The following RGS12 variants were observed in gnomAD, a reference collection of about 807,000 sequenced individuals.
RGS12 encodes the protein regulator of G protein signaling 12, also known as regulator of G-protein signaling 12.
Under a neutral mutation model 120.1 loss-of-function variants are expected in RGS12, and 66 were observed. The ratio of observed to expected loss-of-function variants is 0.55; its 90% CI spans 0.45 to 0.67. The LOEUF (loss-of-function observed/expected upper bound fraction) is 0.67, where lower values mean the gene tolerates loss of function less well. Among genes scored for constraint, RGS12 ranks in the 30% least tolerant of loss-of-function variants. The pLI is 0.00. For missense variants in RGS12, 1,859 were observed against 1,957.7 expected, an observed-to-expected ratio of 0.95 and a Z score of 0.95; for synonymous variants, 827 against 804.7, an observed-to-expected ratio of 1.03 and a Z score of -0.47.
chr4:3,434,939 G>A (rs1724665374), intron 17 of RGS12, among the ~76,000 whole-genome samples: 1 of 152,112 alleles, frequency 6.6e-6, no homozygotes, highest in Non-Finnish European at 1.5e-5. Context: ...CAGCCCCATG[G>A]CCTGACTGAG....
At chr4:3,421,932 G>A (rs768376635) in intron 10 of RGS12, among the ~76,000 whole-genome samples, 3 of 152,208 alleles carry the variant, frequency 2.0e-5, no homozygotes, top group African/African-American at 4.8e-5. Context: ...TCAGACTACC[G>A]GAAGGCAGTG....
At position 3,406,490 on chromosome 4, in the gene RGS12, T is replaced by C. The variant is rs1043536445; in HGVS notation, c.2021-7582T>C. ...TAGATGGGGTCAACAAACAGCGCCT[T>C]CAGCCAAACCCTGCCACCAACCAGC... is the stretch of plus-strand genomic sequence containing the variant. On this transcript the variant is annotated intron_variant, in intron 4 of 17. Coordinates refer to ENST00000336727, the MANE Select transcript of RGS12 (RefSeq NM_001394154.1). 4.6e-5 allele frequency among the ~76,000 whole-genome samples: 7 copies of C among 152,330 alleles called. No individual in the cohort carries two copies. In the South Asian group the frequency reaches 1.5e-3, roughly 32 times the overall value.
At position 3,414,196 on chromosome 4, in the gene RGS12, C is replaced by T. The variant is rs753314115; in HGVS notation, c.2145C>T (p.Ser715=). ...RERRVASWAV[S]FERLLQDPVG... is the part of the protein sequence containing the mutation. ...GGAGGGTCGCCAGCTGGGCCGTGTC[C>T]TTTGAGCGCCTGCTGCAGGACCCCG... Residue 715 remains serine (S), a synonymous_variant, in exon 5 of 18, where the codon TCC becomes TCT. Transcript: ENST00000336727. 1.9e-6 allele frequency: 3 copies of T among 1,550,066 alleles called. No individual in the cohort carries two copies. The South Asian group carries it at 3.5e-5, about 18-fold the overall frequency.
At chr4:3,395,954 C>T (rs751720851) in intron 4 of RGS12, among the ~76,000 whole-genome samples, 5 of 152,168 alleles carry the variant, frequency 3.3e-5, no homozygotes, top group African/African-American at 7.2e-5. Context: ...ATATAACCTA[C>T]CCATACCTTC....
intron 3 of RGS12, among the ~76,000 whole-genome samples, chr4:3,347,219 C>T (rs1479588828): frequency 3.9e-5 from 6 of 152,200 alleles, no homozygotes; most frequent in African/African-American, 7.2e-5. Flanking sequence ...CTGAGGTGGG[C>T]GGATCACAAG....
intron 3 of RGS12, chr4:3,385,582 T>G (rs1375522340): frequency 6.6e-6 from 1 of 152,594 alleles, no homozygotes; most frequent in Non-Finnish European, 1.5e-5. Flanking sequence ...TTCCTGTTCT[T>G]TTCGGCTTCC....
chr4:3,425,522 G>A lies in RGS12; in HGVS notation c.3293G>A (p.Arg1098Gln), dbSNP rs752164634. The change falls in exon 14 of 18, where the codon CGG becomes CAG. Residue 1098 changes from arginine (R) to glutamine (Q), a missense_variant. Arg to Gln is a conservative substitution (Grantham distance 43, BLOSUM62 1). Transcript: ENST00000336727. ...GAPISSLDGQ[R>Q]VVLEEKDPSR... ...CCTATATCGAGTCTGGACGGACAGC[G>A]GGTTGTCTTGGAGGAGAAGGATCCT... 2.6e-5 allele frequency: 42 copies of A among 1,611,572 alleles called. No individual in the cohort carries two copies. The highest frequency in any genetic ancestry group is 4.5e-5 in the East Asian group (2 of 44,812).
chr4:3,343,519 C>T (rs1395803403), intron 3 of RGS12, among the ~76,000 whole-genome samples: 3 of 152,102 alleles, frequency 2.0e-5, no homozygotes, highest in African/African-American at 7.2e-5. Flanking sequence ...TGCCCCCACC[C>T]ACTTGTTAAA....
chr4:3,422,530 A>G lies in RGS12; in HGVS notation c.2993A>G (p.Asn998Ser), dbSNP rs1042315250. Residue 998 changes from asparagine (N) to serine (S), a missense_variant, in exon 11 of 18, where the codon AAC becomes AGC. Physicochemically the swap from Asn to Ser is conservative, Grantham distance 46. This residue lies in a region of RGS12 where 375 missense variants were observed against 475.0 expected (regional missense o/e 0.79). Transcript: ENST00000336727. ...LSGLCERHGINGAAADLFLVG... is the reference protein window; with the variant it reads ...LSGLCERHGISGAAADLFLVG... Reference sequence around the variant, plus strand: ...GGACTCTGTGAGCGGCATGGCATCAACGGGGCGGCCGCGGACCTCTTCCTG... The same window carrying G: ...GGACTCTGTGAGCGGCATGGCATCAGCGGGGCGGCCGCGGACCTCTTCCTG... The G allele has an allele frequency of 6.2e-7, 1 of 1,612,786 alleles. No individual in the cohort carries two copies. The highest frequency in any genetic ancestry group is 8.5e-7 in the Non-Finnish European group (1 of 1,179,950).
chr4:3,342,666 C>A, intron 2 of RGS12: 1 of 1,084,090 alleles, frequency 9.2e-7, no homozygotes, highest in South Asian at 1.4e-5. Flanking sequence ...TCATCCTGTT[C>A]TGTGTTTACA....
rs546040325 is a variant in RGS12, at chr4:3,321,490, C to T, written c.1881+3439C>T. ...CAAGGCCCAGTGCCAGGATCAGAAGCTGGGCACGGCAGGGTGGGTTTGGCG... is the reference window on the plus strand; with the variant it reads ...CAAGGCCCAGTGCCAGGATCAGAAGTTGGGCACGGCAGGGTGGGTTTGGCG... On this transcript the variant is annotated intron_variant, in intron 2 of 17. Transcript: ENST00000336727. Among the ~76,000 whole-genome samples the T allele has an allele frequency of 1.7e-3, 265 of 152,330 alleles. 1 individual carries two copies. Among genetic ancestry groups the T allele is most frequent in the African/African-American group, 6.1e-3 (254 of 41,574 alleles).
At chr4:3,368,451 T>TGTGTGG (rs781181622) in intron 3 of RGS12, among the ~76,000 whole-genome samples, 1 of 109,074 alleles carries the variant, frequency 9.2e-6, no homozygotes, top group South Asian at 3.4e-4. Flanking sequence ...TGTGTGTGTG[T>TGTGTGG]GGGGTGCCTT....
intron 1 of RGS12, among the ~76,000 whole-genome samples, chr4:3,295,259 C>T (rs1723310893): frequency 6.6e-6 from 1 of 152,176 alleles, no homozygotes; most frequent in South Asian, 2.1e-4. Flanking sequence ...CTAGTCAGCG[C>T]TTCCGGCTGA....
At chr4:3,421,623 T>A (rs539336325) in intron 10 of RGS12, among the ~76,000 whole-genome samples, 13 of 152,222 alleles carry the variant, frequency 8.5e-5, no homozygotes, top group Admixed American at 2.6e-4. Flanking sequence ...GAAGGAGCAC[T>A]GACAGGACCC....
At chr4:3,288,922 T>C (rs868628618), upstream of RGS12, among the ~76,000 whole-genome samples, 1 of 152,096 alleles carries the variant, frequency 6.6e-6, no homozygotes, top group Non-Finnish European at 1.5e-5. This position sits in a 1 kb window ranked among gnomAD's most constrained non-coding sequence, Gnocchi z 5.2. Context: ...ACGAGCCCCA[T>C]TGGTGTAGCC....
rs147474433 is a variant in RGS12, at chr4:3,300,834, G to C, written c.-102+7735G>C. Among the ~76,000 whole-genome samples the C allele has an allele frequency of 9.2e-5, 14 of 152,332 alleles. No individual in the cohort carries two copies. The East Asian group carries it at 2.7e-3, about 29-fold the overall frequency. On this transcript the variant is annotated intron_variant, in intron 1 of 17. Coordinates refer to ENST00000336727, the MANE Select transcript of RGS12 (RefSeq NM_001394154.1). Reference sequence around the variant, plus strand: ...TTTAGGACCCACCTGGGAAATTCAGGATCATTGCCTCATCTCAGAATCCTT... The same window carrying C: ...TTTAGGACCCACCTGGGAAATTCAGCATCATTGCCTCATCTCAGAATCCTT...
In RGS12 at chr4:3,368,134, G is replaced by A. The variant is rs544713226; in HGVS notation, c.1999-18282G>A. 1.7e-3 allele frequency among the ~76,000 whole-genome samples: 253 copies of A among 152,280 alleles called. 2 individuals are homozygous for A. Among genetic ancestry groups the A allele is most frequent in the South Asian group, 2.9e-3 (14 of 4,816 alleles). ...TTCCCAGGGTCTGGGGGCCCTGGGG[G>A]GCCAGGATGCTGTTGTCCTCTGCTC... On this transcript the variant is annotated intron_variant, in intron 3 of 17. Transcript: ENST00000336727.
intron 3 of RGS12, among the ~76,000 whole-genome samples, chr4:3,368,911 A>C (rs1488351313): frequency 6.6e-6 from 1 of 151,958 alleles, no homozygotes; most frequent in Non-Finnish European, 1.5e-5. Context: ...TGTCGTACCT[A>C]ATGTAGACCC....
At chr4:3,339,122 A>G (rs917668261) in intron 2 of RGS12, among the ~76,000 whole-genome samples, 1 of 152,116 alleles carries the variant, frequency 6.6e-6, no homozygotes, top group Non-Finnish European at 1.5e-5. Context: ...GGCGTCAGAC[A>G]TCCTTTCTTT....
Sources: gnomAD v4.1 joint callset for allele counts (sites outside exome capture counted in the v4.1 genomes callset) on GRCh38, gnomAD v4.1.1 for gene constraint, gnomAD v4.1.1 regional missense constraint, Gnocchi (gnomAD v3.1) non-coding constraint, MANE v1.5 for transcripts, NCBI Gene and HGNC (gene_info 2026-07-23, HGNC 2026-07-21) for gene names.